HGD: variants seen among roughly 807,000 people sequenced by gnomAD.
HGD encodes the protein homogentisate oxidase.
Under a neutral mutation model 60.8 loss-of-function variants are expected in HGD, and 61 were observed. The observed-to-expected ratio is 1.00, with a 90% CI of 0.82 to 1.24. The LOEUF (loss-of-function observed/expected upper bound fraction) is 1.24, where lower values mean the gene tolerates loss of function less well. Among genes scored for constraint, HGD ranks in the 50% most tolerant of loss-of-function variants. The pLI is 0.00. For missense variants in HGD, 542 were observed against 547.1 expected (o/e 0.99, Z 0.09); for synonymous variants, 212 against 187.7 (o/e 1.13, Z -1.06).
At chr3:120,636,999 C>T (rs1282065387) in intron 12 of HGD, among the ~76,000 whole-genome samples, 1 of 152,148 alleles carries the variant, frequency 6.6e-6, no homozygotes, top group Non-Finnish European at 1.5e-5. Flanking sequence ...AATGCACACT[C>T]CAGGAAGTAG....
At chr3:120,637,457 A>G (rs1357291690) in intron 12 of HGD, among the ~76,000 whole-genome samples, 1 of 152,206 alleles carries the variant, frequency 6.6e-6, no homozygotes, top group African/African-American at 2.4e-5. Flanking sequence ...AATAATATTA[A>G]TAAAATAAAA....
chr3:120,633,618 T>C (rs1254140482), intron 12 of HGD: 3 of 1,351,876 alleles, frequency 2.2e-6, no homozygotes, highest in African/African-American at 2.9e-5. Flanking sequence ...CCAGAGAAGA[T>C]AATAATAATT....
intron 4 of HGD, among the ~76,000 whole-genome samples, 197 bp from the exon 5 acceptor site, chr3:120,652,848 G>A (rs149605836): frequency 2.5e-3 from 388 of 152,244 alleles, no homozygotes; most frequent in Non-Finnish European, 4.4e-3. Context: ...ATTTGTGCAC[G>A]TGCACACACA....
chr3:120,648,016 G>T, intron 6 of HGD, 105 bp from the exon 7 acceptor site: 1 of 953,350 alleles, frequency 1.0e-6, no homozygotes, highest in Non-Finnish European at 1.7e-6. Context: ...CAAGCTCAGA[G>T]CTGGGTATAA....
At chr3:120,636,185 G>C (rs554111712) in intron 12 of HGD, among the ~76,000 whole-genome samples, 1 of 151,494 alleles carries the variant, frequency 6.6e-6, no homozygotes, top group Non-Finnish European at 1.5e-5. Flanking sequence ...GAGACTGAGC[G>C]GGGAGGATCA....
chr3:120,664,924 TG>T (rs1707865464), intron 4 of HGD, among the ~76,000 whole-genome samples: 1 of 152,178 alleles, frequency 6.6e-6, no homozygotes, highest in Non-Finnish European at 1.5e-5. Context: ...AATTAGAGAG[TG>T]ATGCACTATT....
At position 120,646,331 on chromosome 3, in the gene HGD, C is replaced by G; in HGVS notation, c.585G>C (p.Glu195Asp). 6.2e-7 allele frequency: 1 copy of G among 1,613,618 alleles called. No individual in the cohort carries two copies. Among genetic ancestry groups the G allele is most frequent in the Non-Finnish European group, 8.5e-7 (1 of 1,179,584 alleles). ...AGACCTCCAAGATGTAGCCCCTGGTCTCCTCAAAGACATCTATGCTGAACC... is the reference window on the plus strand; with the variant it reads ...AGACCTCCAAGATGTAGCCCCTGGTGTCCTCAAAGACATCTATGCTGAACC... Reference protein sequence around the residue: ...GMRFSIDVFEETRGYILEVYG... With the variant: ...GMRFSIDVFEDTRGYILEVYG... Residue 195 changes from glutamate to aspartate, a missense_variant, in exon 9 of 14, where the codon GAG becomes GAC. This residue lies in a region of HGD where 537 missense variants were observed against 529.1 expected (regional missense o/e 1.01). Coordinates refer to ENST00000283871, the MANE Select transcript of HGD (RefSeq NM_000187.4).
intron 6 of HGD, among the ~76,000 whole-genome samples, 191 bp downstream of exon 6, chr3:120,650,583 T>C (rs756034112): frequency 8.5e-5 from 13 of 152,262 alleles, no homozygotes; most frequent in African/African-American, 1.2e-4. Flanking sequence ...TCAGTCAAGA[T>C]AAATGCCTTT....
intron 10 of HGD, 120 bp downstream of exon 10, chr3:120,644,199 C>T: frequency 1.7e-6 from 2 of 1,155,776 alleles, no homozygotes; most frequent in East Asian, 2.3e-5. Context: ...ATTTGTAGTG[C>T]CGTAGTGGTA....
At chr3:120,639,172 A>G (rs571454982) in intron 11 of HGD, among the ~76,000 whole-genome samples, 54 of 152,322 alleles carry the variant, frequency 3.5e-4, no homozygotes, top group African/African-American at 1.3e-3. Context: ...TCACCCAGGT[A>G]GCGAGCATAG....
chr3:120,680,865 CA>C (rs1399276303), intron 1 of HGD, among the ~76,000 whole-genome samples: 10 of 150,056 alleles, frequency 6.7e-5, no homozygotes, highest in African/African-American at 2.5e-4. Context: ...TTGCCAGTTC[CA>C]ACTTCTCTCT....
intron 13 of HGD, among the ~76,000 whole-genome samples, chr3:120,629,432 T>G (rs1940516621): frequency 6.6e-6 from 1 of 152,220 alleles, no homozygotes; most frequent in Admixed American, 6.5e-5. Context: ...TAAATTATTT[T>G]TGTCTAAAAC....
chr3:120,679,412 A>G (rs1312121249), intron 1 of HGD, among the ~76,000 whole-genome samples: 2 of 152,238 alleles, frequency 1.3e-5, no homozygotes, highest in African/African-American at 4.8e-5. Context: ...ATGGGAACAT[A>G]GAACATAGAT....
At chr3:120,676,966 A>T (rs569627247) in intron 1 of HGD, among the ~76,000 whole-genome samples, 1 of 152,320 alleles carries the variant, frequency 6.6e-6, no homozygotes, top group Admixed American at 6.5e-5. Flanking sequence ...CCAAATTAAT[A>T]CTTTTGTAAT....
At chr3:120,635,248 C>T (rs893541396) in intron 12 of HGD, among the ~76,000 whole-genome samples, 2 of 152,022 alleles carry the variant, frequency 1.3e-5, no homozygotes, top group South Asian at 2.1e-4. Flanking sequence ...GAGGCCGAGG[C>T]GGGTGGATCA....
chr3:120,642,775 G>A (rs1196804743), intron 10 of HGD, among the ~76,000 whole-genome samples: 2 of 152,190 alleles, frequency 1.3e-5, no homozygotes, highest in African/African-American at 4.8e-5. Flanking sequence ...GAGGAAGCAG[G>A]GGAAGAAATA....
At chr3:120,648,766 G>A (rs554981222) in intron 6 of HGD, among the ~76,000 whole-genome samples, 2 of 152,306 alleles carry the variant, frequency 1.3e-5, no homozygotes, top group East Asian at 1.9e-4. Flanking sequence ...ATGTTCTCAG[G>A]ATCTCCTGAG....
chr3:120,631,506 AAAT>A (rs757283482), intron 13 of HGD, among the ~76,000 whole-genome samples: 26 of 152,198 alleles, frequency 1.7e-4, no homozygotes, highest in Non-Finnish European at 3.7e-4. Context: ...TAAAAATAAT[AAAT>A]AATAAGTAAT....
At chr3:120,672,721 T>A (rs1708050592) in intron 3 of HGD, among the ~76,000 whole-genome samples, 1 of 152,216 alleles carries the variant, frequency 6.6e-6, no homozygotes, top group Non-Finnish European at 1.5e-5. Flanking sequence ...GAACCTTATG[T>A]TCTTCATCCT....
Sources: allele counts gnomAD v4.1 joint callset (sites outside exome capture counted in the v4.1 genomes callset), GRCh38; gene constraint gnomAD v4.1.1; regional missense constraint gnomAD v4.1.1; transcripts MANE v1.5; gene names NCBI Gene and HGNC (gene_info 2026-07-23, HGNC 2026-07-21).